The following MAML2 variants were observed in gnomAD, a reference collection of about 807,000 sequenced individuals.
MAML2 encodes the protein mastermind like transcriptional coactivator 2, also known as mastermind-like protein 2.
Under a neutral mutation model 96.1 loss-of-function variants are expected in MAML2, and 22 were observed. The observed-to-expected ratio is 0.23, with a 90% confidence interval of 0.16 to 0.33. The LOEUF is 0.33. Ranked by LOEUF, MAML2 falls within the 10% of genes least tolerant of loss-of-function variation. MAML2 has a pLI of 1.00. For synonymous variants in MAML2, 561 were observed against 521.3 expected (o/e 1.08, Z -1.04); for missense variants, 1,367 against 1,392.4 (o/e 0.98, Z 0.29).
intron 1 of MAML2, among the ~76,000 whole-genome samples, chr11:96,104,602 C>T (rs898506200): frequency 6.6e-6 from 1 of 152,174 alleles, no homozygotes; most frequent in Non-Finnish European, 1.5e-5. Flanking sequence ...CTTTTAAATG[C>T]TCTTCTAGTA....
chr11:95,982,788 G>A (rs1251629232), intron 4 of MAML2, among the ~76,000 whole-genome samples: 1 of 152,144 alleles, frequency 6.6e-6, no homozygotes, highest in South Asian at 2.1e-4. Context: ...CTGCATGTAT[G>A]ACAGTGGTCC....
intron 1 of MAML2, among the ~76,000 whole-genome samples, chr11:96,224,105 G>A (rs1307947676): frequency 6.6e-6 from 1 of 152,062 alleles, no homozygotes; most frequent in African/African-American, 2.4e-5. Flanking sequence ...AACTATTTAA[G>A]CCTCAGTTTC....
In MAML2 at chr11:96,159,584, C is replaced by G. The variant is rs181836919; in HGVS notation, c.514-66067G>C. ...GGGACTACAGGCGCCCGCCACCATGCCCAGCTAATTTTTGTATTTTTAGTA... is the reference window on the plus strand; with the variant it reads ...GGGACTACAGGCGCCCGCCACCATGGCCAGCTAATTTTTGTATTTTTAGTA... On this transcript the variant is annotated intron_variant, in intron 1 of 4. Transcript: ENST00000524717. Among the ~76,000 whole-genome samples, 28 of 151,996 alleles carry G rather than the reference C, an allele frequency of 1.8e-4. No individual in the cohort carries two copies. In the East Asian group the frequency reaches 5.4e-3, roughly 29 times the overall value.
intron 2 of MAML2, among the ~76,000 whole-genome samples, chr11:96,021,387 G>C (rs1046726797): frequency 6.6e-6 from 1 of 152,194 alleles, no homozygotes; most frequent in African/African-American, 2.4e-5. Flanking sequence ...ACTAGAGGGG[G>C]AGGATACGAA....
chr11:96,245,814 C>T (rs563460458), intron 1 of MAML2, among the ~76,000 whole-genome samples: 24 of 151,832 alleles, frequency 1.6e-4, no homozygotes, highest in African/African-American at 5.3e-4. Flanking sequence ...AAGCAATTCT[C>T]CTGCCTCAGC....
chr11:96,130,655 T>A (rs981090009), intron 1 of MAML2, among the ~76,000 whole-genome samples: 2 of 152,148 alleles, frequency 1.3e-5, no homozygotes, highest in Admixed American at 1.3e-4. Flanking sequence ...AGGAAAAAAA[T>A]TTAAGATTTT....
chr11:96,105,313 C>T (rs556240163), intron 1 of MAML2, among the ~76,000 whole-genome samples: 1 of 152,192 alleles, frequency 6.6e-6, no homozygotes, highest in Non-Finnish European at 1.5e-5. Flanking sequence ...ATGGCATTCC[C>T]AGGGGAGGTC....
chr11:96,072,579 T>A (rs1329640926), intron 2 of MAML2, among the ~76,000 whole-genome samples: 2 of 152,228 alleles, frequency 1.3e-5, no homozygotes, highest in Non-Finnish European at 1.5e-5. Flanking sequence ...GTAAGCTCTT[T>A]TGCATCAACG....
chr11:96,089,257 T>TG (rs940272215), intron 2 of MAML2, among the ~76,000 whole-genome samples: 2 of 152,194 alleles, frequency 1.3e-5, no homozygotes, highest in Non-Finnish European at 2.9e-5. Context: ...TGAGAATACA[T>TG]GCCAACACAC....
At chr11:95,986,146 T>C (rs1411910583) in intron 3 of MAML2, among the ~76,000 whole-genome samples, 1 of 151,924 alleles carries the variant, frequency 6.6e-6, no homozygotes, top group Non-Finnish European at 1.5e-5. Context: ...GCATAGGAGG[T>C]AGGGTTTTCA....
At chr11:96,281,515 A>C (rs933650296) in intron 1 of MAML2, among the ~76,000 whole-genome samples, 2 of 152,120 alleles carry the variant, frequency 1.3e-5, no homozygotes, top group African/African-American at 4.8e-5. Flanking sequence ...AGTGGGAGGC[A>C]CTGGTTGAGG....
chr11:96,123,667 A>C (rs951607202), intron 1 of MAML2, among the ~76,000 whole-genome samples: 2 of 152,230 alleles, frequency 1.3e-5, no homozygotes, highest in Admixed American at 6.5e-5. Context: ...GGTAGGAAAC[A>C]AGGGAATTAG....
rs548424142 is a variant in MAML2, at chr11:96,315,912, C to A, written c.513+25471G>T. Reference sequence around the variant, plus strand: ...CCCAATGGTCAGATCGGCAGGTAGACTGAAGCCATTAAGGTAGCCAAAAGC... The same window carrying A: ...CCCAATGGTCAGATCGGCAGGTAGAATGAAGCCATTAAGGTAGCCAAAAGC... On this transcript the variant is annotated intron_variant, in intron 1 of 4. Coordinates refer to ENST00000524717, the MANE Select transcript of MAML2 (RefSeq NM_032427.4). Among the ~76,000 whole-genome samples, 72 of 152,308 alleles carry A rather than the reference C, an allele frequency of 4.7e-4. No individual in the cohort carries two copies. In the South Asian group the frequency reaches 0.013, roughly 27 times the overall value.
At chr11:96,340,844 G>A (rs1005599279) in intron 1 of MAML2, among the ~76,000 whole-genome samples, 1 of 152,146 alleles carries the variant, frequency 6.6e-6, no homozygotes, top group Non-Finnish European at 1.5e-5. Context: ...TTTGACTGAG[G>A]GGACATTCGG....
At position 96,133,432 on chromosome 11, in the gene MAML2, C is replaced by T. The variant is rs78144304; in HGVS notation, c.514-39915G>A. ...GCACCCAGATCTGCTATTTTTCAGC[C>T]ATTTACATGTCTTCATGCATGGGAG... On this transcript the variant is annotated intron_variant, in intron 1 of 4. Coordinates refer to ENST00000524717, the MANE Select transcript of MAML2 (RefSeq NM_032427.4). Among the ~76,000 whole-genome samples, 592 of 152,164 alleles carry T rather than the reference C, an allele frequency of 3.9e-3. 2 individuals are homozygous for T. The highest frequency in any genetic ancestry group is 0.014 in the African/African-American group (569 of 41,508).
intron 2 of MAML2, among the ~76,000 whole-genome samples, chr11:96,063,941 G>A (rs1432233790): frequency 6.6e-6 from 1 of 152,174 alleles, no homozygotes; most frequent in Non-Finnish European, 1.5e-5. Context: ...GATGCTCCCT[G>A]TGTGATTAGA....
At chr11:96,140,238 C>T (rs975484487) in intron 1 of MAML2, among the ~76,000 whole-genome samples, 8 of 152,192 alleles carry the variant, frequency 5.3e-5, no homozygotes, top group Non-Finnish European at 1.2e-4. Flanking sequence ...AATTGCTTAC[C>T]CTGCTAATAT....
chr11:96,158,506 C>G (rs1203325321), intron 1 of MAML2, among the ~76,000 whole-genome samples: 1 of 152,192 alleles, frequency 6.6e-6, no homozygotes, highest in Non-Finnish European at 1.5e-5. Flanking sequence ...ACTCCTAAAG[C>G]CTCTGAGAAC....
intron 1 of MAML2, among the ~76,000 whole-genome samples, chr11:96,157,035 T>C (rs371688220): frequency 6.6e-6 from 1 of 152,260 alleles, no homozygotes; most frequent in African/African-American, 2.4e-5. Context: ...TCAAATTGTT[T>C]CCCTGGCAGT....
Sources: allele counts gnomAD v4.1 joint callset (sites outside exome capture counted in the v4.1 genomes callset), GRCh38; gene constraint gnomAD v4.1.1; transcripts MANE v1.5; gene names NCBI Gene and HGNC (gene_info 2026-07-23, HGNC 2026-07-21).